The following JAM3 variants were observed in gnomAD, a reference collection of about 807,000 sequenced individuals.
The protein encoded by JAM3 is junctional adhesion molecule C.
Under a neutral mutation model 39.4 loss-of-function variants are expected in JAM3, and 31 were observed. The ratio of observed to expected loss-of-function variants is 0.79; its 90% confidence interval spans 0.59 to 1.06. The LOEUF is 1.06. Among genes scored for constraint, JAM3 ranks in the 50% least tolerant of loss-of-function variants. JAM3 has a pLI of 0.00. For synonymous variants in JAM3, 182 were observed against 148.7 expected, an observed-to-expected ratio of 1.22 and a Z score of -1.63; for missense variants, 455 against 391.4, an observed-to-expected ratio of 1.16 and a Z score of -1.37.
chr11:134,110,306 A>G (rs1211445709), intron 1 of JAM3, among the ~76,000 whole-genome samples: 1 of 152,252 alleles, frequency 6.6e-6, no homozygotes. Context: ...ATACTCCCAC[A>G]TACTTATGTA....
At chr11:134,075,870 A>T (rs1023600917) in intron 1 of JAM3, among the ~76,000 whole-genome samples, 2 of 152,166 alleles carry the variant, frequency 1.3e-5, no homozygotes, top group African/African-American at 4.8e-5. Context: ...CTGTGACTGC[A>T]ATTAAACATG....
At position 134,122,684 on chromosome 11, in the gene JAM3, C is replaced by T. The variant is rs569524836; in HGVS notation, c.77-17167C>T. 3.9e-5 allele frequency among the ~76,000 whole-genome samples: 6 copies of T among 152,330 alleles called. No homozygotes were observed. The South Asian group carries it at 1.2e-3, about 32-fold the overall frequency. On this transcript the variant is annotated intron_variant, in intron 1 of 8. Coordinates refer to ENST00000299106, the MANE Select transcript of JAM3 (RefSeq NM_032801.5). Reference sequence around the variant, plus strand: ...AATAACAAGGCAATCAATGGTTAAACTGAACTTTACATATAGGGGGCAGTT... The same window carrying T: ...AATAACAAGGCAATCAATGGTTAAATTGAACTTTACATATAGGGGGCAGTT...
At chr11:134,081,232 G>A (rs946588347) in intron 1 of JAM3, among the ~76,000 whole-genome samples, 7 of 152,208 alleles carry the variant, frequency 4.6e-5, no homozygotes, top group African/African-American at 1.2e-4. Flanking sequence ...CTTGTTTTCC[G>A]AAGAGAAATT....
intron 1 of JAM3, among the ~76,000 whole-genome samples, chr11:134,104,571 C>A (rs1942143741): frequency 6.6e-6 from 1 of 152,096 alleles, no homozygotes; most frequent in South Asian, 2.1e-4. Context: ...AATCCAGGAG[C>A]TGGGTTTTTG....
chr11:134,144,700 C>CTT, intron 4 of JAM3, 92 bp from the exon 5 acceptor site: 1 of 1,193,988 alleles, frequency 8.4e-7, no homozygotes, highest in South Asian at 1.2e-5. Context: ...CCTCGACTGG[C>CTT]TGTCTTGTCT....
At chr11:134,148,512 G>A (rs753087518) in intron 6 of JAM3, 35 bp from the exon 7 acceptor site, 3 of 1,613,990 alleles carry the variant, frequency 1.9e-6, no homozygotes, top group South Asian at 1.1e-5. Flanking sequence ...CAGATAGTGT[G>A]TATCATGGCT....
chr11:134,136,202 C>T (rs998445866), intron 1 of JAM3, among the ~76,000 whole-genome samples: 1 of 152,158 alleles, frequency 6.6e-6, no homozygotes, highest in Admixed American at 6.5e-5. Flanking sequence ...TTTCCGCCTT[C>T]CAAAAAACCC....
At chr11:134,134,353 A>T (rs1374204215) in intron 1 of JAM3, among the ~76,000 whole-genome samples, 1 of 147,610 alleles carries the variant, frequency 6.8e-6, no homozygotes, top group Non-Finnish European at 1.5e-5. Flanking sequence ...CAGACACTAA[A>T]CCACAGATCC....
At chr11:134,134,398 C>CAA (rs34729848) in intron 1 of JAM3, among the ~76,000 whole-genome samples, 590 of 31,808 alleles carry the variant, frequency 0.019, 9 homozygotes, top group East Asian at 0.034. Flanking sequence ...GGATAAATGC[C>CAA]AAAAAAAAAA....
chr11:134,087,884 A>G (rs910483944), intron 1 of JAM3, among the ~76,000 whole-genome samples: 2 of 152,174 alleles, frequency 1.3e-5, no homozygotes, highest in African/African-American at 4.8e-5. Flanking sequence ...TGGAGTGGAT[A>G]ATTTTTTGTT....
intron 1 of JAM3, among the ~76,000 whole-genome samples, chr11:134,106,080 G>A (rs1188952219): frequency 6.6e-6 from 1 of 152,206 alleles, no homozygotes; most frequent in African/African-American, 2.4e-5. Flanking sequence ...GAGGCATCAT[G>A]CTACCTGACT....
chr11:134,108,026 G>C (rs1342442599), intron 1 of JAM3, among the ~76,000 whole-genome samples: 1 of 152,094 alleles, frequency 6.6e-6, no homozygotes, highest in Non-Finnish European at 1.5e-5. Context: ...CTGTTTCTTT[G>C]AAAATATCAG....
At position 134,151,897 on chromosome 11, in the gene JAM3, G is replaced by A. The variant is rs1431605180; in HGVS notation, c.*2716G>A. On this transcript the variant is annotated 3_prime_UTR_variant, in exon 9 of 9. Coordinates refer to ENST00000299106, the MANE Select transcript of JAM3 (RefSeq NM_032801.5). ...AGTGCTGGGCAGGAGGTCAGCCTGT[G>A]TGCTCAAGAGCAGTGCTGCGCCTCT... is the stretch of plus-strand genomic sequence containing the variant. 1 of 152,234 alleles carries A rather than the reference G, an allele frequency of 6.6e-6. No homozygotes were observed. Among genetic ancestry groups the A allele is most frequent in the Non-Finnish European group, 1.5e-5 (1 of 68,050 alleles). 9.4% of individuals were successfully genotyped at this position (152,234 alleles called of 1,614,324 possible).
At chr11:134,109,406 A>G (rs907027696) in intron 1 of JAM3, among the ~76,000 whole-genome samples, 1 of 152,376 alleles carries the variant, frequency 6.6e-6, no homozygotes, top group East Asian at 1.9e-4. Context: ...TATGTCAGGG[A>G]TCAGCAAACT....
At chr11:134,092,305 A>G (rs1421724312) in intron 1 of JAM3, among the ~76,000 whole-genome samples, 1 of 150,702 alleles carries the variant, frequency 6.6e-6, no homozygotes, top group Admixed American at 6.6e-5. Flanking sequence ...TCCACCTTAA[A>G]CGTCACTTCC....
At chr11:134,094,551 A>G (rs1192222654) in intron 1 of JAM3, among the ~76,000 whole-genome samples, 1 of 150,606 alleles carries the variant, frequency 6.6e-6, no homozygotes, top group Admixed American at 6.6e-5. Context: ...TTCCTGAGGG[A>G]AGCTTCTCCT....
intron 1 of JAM3, among the ~76,000 whole-genome samples, chr11:134,079,384 G>T (rs1941627219): frequency 6.6e-6 from 1 of 152,182 alleles, no homozygotes; most frequent in Non-Finnish European, 1.5e-5. Flanking sequence ...ACTTTACCGA[G>T]CTTTCCAGCT....
chr11:134,136,937 C>G (rs1942875348), intron 1 of JAM3, among the ~76,000 whole-genome samples: 1 of 152,042 alleles, frequency 6.6e-6, no homozygotes, highest in Non-Finnish European at 1.5e-5. Flanking sequence ...CACGGTGAAA[C>G]CCCATCTCTA....
intron 1 of JAM3, among the ~76,000 whole-genome samples, chr11:134,132,558 G>A (rs922165725): frequency 3.3e-5 from 5 of 152,202 alleles, no homozygotes; most frequent in African/African-American, 1.2e-4. Flanking sequence ...GATTTTTGAA[G>A]AAATTATAAC....
Sources: gnomAD v4.1 joint callset for allele counts (sites outside exome capture counted in the v4.1 genomes callset) on GRCh38, gnomAD v4.1.1 for gene constraint, MANE v1.5 for transcripts, NCBI Gene and HGNC (gene_info 2026-07-23, HGNC 2026-07-21) for gene names.